GTF2I: variants seen among roughly 807,000 people sequenced by gnomAD.
GTF2I encodes the protein general transcription factor IIi.
Under a neutral mutation model 67.6 loss-of-function variants are expected in GTF2I, and 12 were observed. That is an observed-to-expected ratio of 0.18 (90% confidence interval 0.11 to 0.29). The LOEUF (loss-of-function observed/expected upper bound fraction) is 0.29. GTF2I is among the 10% of genes least tolerant of loss of function. The probability of loss-of-function intolerance (pLI) is 1.00; values close to 1 mark genes in which losing one functional copy is unlikely to be tolerated. For synonymous variants in GTF2I, 149 were observed against 197.0 expected, an observed-to-expected ratio of 0.76 and a Z score of 2.04; for missense variants, 271 against 580.1, an observed-to-expected ratio of 0.47 and a Z score of 5.47.
At chr7:74,686,222 G>C (rs1052116937) in intron 1 of GTF2I, among the ~76,000 whole-genome samples, 3 of 152,156 alleles carry the variant, frequency 2.0e-5, no homozygotes, top group Non-Finnish European at 4.4e-5. Context: ...TTTGCAAACT[G>C]AGTAGCCTCC....
At chr7:74,676,805 C>T (rs1021170579) in intron 1 of GTF2I, among the ~76,000 whole-genome samples, 1 of 152,090 alleles carries the variant, frequency 6.6e-6, no homozygotes, top group Admixed American at 6.6e-5. Context: ...CCTGTAATCC[C>T]AGCACTTTAG....
chr7:74,710,610 A>G (rs1320011922), intron 8 of GTF2I, among the ~76,000 whole-genome samples: 1 of 152,228 alleles, frequency 6.6e-6, no homozygotes, highest in Non-Finnish European at 1.5e-5. Context: ...TTAGGCAGAA[A>G]AAAACCAATG....
chr7:74,723,619 A>G (rs139428341), intron 12 of GTF2I, among the ~76,000 whole-genome samples: 2,499 of 150,232 alleles, frequency 0.017, 31 homozygotes, highest in Non-Finnish European at 0.029. Context: ...TAGTACAGAC[A>G]GGGGTTTCAC....
intron 1 of GTF2I, among the ~76,000 whole-genome samples, chr7:74,681,869 G>GT (rs1787302532): frequency 2.6e-5 from 4 of 151,258 alleles, no homozygotes; most frequent in Admixed American, 2.0e-4. Flanking sequence ...TTGAGATTGT[G>GT]TTACTGCACT....
intron 1 of GTF2I, among the ~76,000 whole-genome samples, chr7:74,673,096 A>G (rs991717194): frequency 6.6e-6 from 1 of 152,030 alleles, no homozygotes; most frequent in Non-Finnish European, 1.5e-5. Context: ...TCCTGACCTC[A>G]TGATCTGCCC....
chr7:74,677,124 T>A (rs587766151), intron 1 of GTF2I, among the ~76,000 whole-genome samples: 2 of 152,206 alleles, frequency 1.3e-5, no homozygotes, highest in African/African-American at 4.8e-5. Flanking sequence ...TGAAAAGATT[T>A]AGGCGGCCTA....
At chr7:74,722,889 G>T (rs1793211969) in intron 12 of GTF2I, 1 of 152,064 alleles carries the variant, frequency 6.6e-6, no homozygotes, top group East Asian at 1.9e-4. Flanking sequence ...TGTAAAAAAA[G>T]GAGTCTCAGA....
chr7:74,673,780 A>C (rs2131226929), intron 1 of GTF2I, among the ~76,000 whole-genome samples: 1 of 149,126 alleles, frequency 6.7e-6, no homozygotes, highest in South Asian at 2.1e-4. Flanking sequence ...TCCCAGGTTC[A>C]AGCGATTCTC....
At chr7:74,690,851 C>T in intron 2 of GTF2I, 122 bp from the exon 3 acceptor site, 6 of 927,318 alleles carry the variant, frequency 6.5e-6, no homozygotes, top group Non-Finnish European at 1.0e-5. Context: ...TAAAATCAGG[C>T]CAAAAACTAT....
intron 12 of GTF2I, among the ~76,000 whole-genome samples, chr7:74,725,264 G>T (rs1183485593): frequency 1.3e-5 from 2 of 152,182 alleles, no homozygotes; most frequent in Non-Finnish European, 2.9e-5. Context: ...AATTGAGGAT[G>T]TGGTGAAGTT....
intron 29 of GTF2I, among the ~76,000 whole-genome samples, 154 bp downstream of exon 29, chr7:74,753,331 A>G (rs1465653250): frequency 6.6e-6 from 1 of 152,178 alleles, no homozygotes; most frequent in African/African-American, 2.4e-5. Context: ...ATTTAATAAG[A>G]TACCATTAGT....
Position 74,667,005 on chromosome 7 carries a change from C to T in GTF2I, c.-6+8937C>T, listed in dbSNP as rs958562916. 4.0e-5 allele frequency among the ~76,000 whole-genome samples: 6 copies of T among 151,574 alleles called. No individual in the cohort carries two copies. In the South Asian group the frequency reaches 8.4e-4, roughly 21 times the overall value. On this transcript the variant is annotated intron_variant, in intron 1 of 34. Coordinates refer to ENST00000573035, the MANE Select transcript of GTF2I (RefSeq NM_032999.4). ...AAAAAACAAAAACAAATTAGCTAGG[C>T]GTGGTGGTGCGCACCTGTAATCCCA...
chr7:74,690,815 T>G (rs1325992316), intron 2 of GTF2I, among the ~76,000 whole-genome samples, 158 bp from the exon 3 acceptor site: 1 of 152,224 alleles, frequency 6.6e-6, no homozygotes, highest in African/African-American at 2.4e-5. Context: ...TTTTTTTTCC[T>G]TATAAATTCT....
intron 10 of GTF2I, 137 bp from the exon 11 acceptor site, chr7:74,716,757 T>G: frequency 1.7e-6 from 1 of 579,098 alleles, no homozygotes; most frequent in South Asian, 2.4e-5. Flanking sequence ...TTGTTCGACT[T>G]AACTGCTAAA....
intron 3 of GTF2I, among the ~76,000 whole-genome samples, chr7:74,691,901 C>G (rs1162649652): frequency 4.0e-5 from 6 of 151,676 alleles, no homozygotes; most frequent in Non-Finnish European, 8.8e-5. Flanking sequence ...CTCATCCTCC[C>G]GAGTAGCTGG....
intron 3 of GTF2I, among the ~76,000 whole-genome samples, chr7:74,695,988 T>G (rs1788853639): frequency 6.6e-6 from 1 of 152,006 alleles, no homozygotes; most frequent in South Asian, 2.1e-4. Context: ...TTGTTTTTAT[T>G]GCTAATAATT....
Position 74,683,743 on chromosome 7 carries a change from C to G in GTF2I, c.-5-5381C>G, listed in dbSNP as rs181319586. 3.2e-3 allele frequency among the ~76,000 whole-genome samples: 493 copies of G among 152,162 alleles called. 1 individual carries two copies. The highest frequency in any genetic ancestry group is 0.011 in the African/African-American group (469 of 41,524). On this transcript the variant is annotated intron_variant, in intron 1 of 34. Transcript: ENST00000573035. ...TGGCGGGCGCCTGTCATCCCAGCTA[C>G]TCGGGAGGCAGAGGCAGGAGAATTA...
chr7:74,670,715 A>C (rs587715881), intron 1 of GTF2I, among the ~76,000 whole-genome samples: 18 of 151,734 alleles, frequency 1.2e-4, no homozygotes, highest in East Asian at 5.8e-4. Context: ...AAAAACAAAA[A>C]AAAAAAACAC....
intron 1 of GTF2I, among the ~76,000 whole-genome samples, chr7:74,663,046 T>G (rs1804661767): frequency 6.6e-6 from 1 of 152,286 alleles, no homozygotes; most frequent in African/African-American, 2.4e-5. Flanking sequence ...AGCTGAACAC[T>G]GAACAATTAC....
Sources: gnomAD v4.1 joint callset for allele counts (sites outside exome capture counted in the v4.1 genomes callset) on GRCh38, gnomAD v4.1.1 for gene constraint, MANE v1.5 for transcripts, NCBI Gene and HGNC (gene_info 2026-07-23, HGNC 2026-07-21) for gene names.